The following ANO4 variants were observed in gnomAD, a reference collection of about 807,000 sequenced individuals.
ANO4 encodes anoctamin-4.
A neutral mutation model predicts 141.9 loss-of-function variants in ANO4; 69 were observed. The observed-to-expected ratio is 0.49, with a 90% CI of 0.40 to 0.59. ANO4 has a LOEUF of 0.59. ANO4 is among the 20% of genes least tolerant of loss of function. The pLI is 0.00. For missense variants in ANO4, 894 were observed against 1,162.2 expected (o/e 0.77, Z 3.36); for synonymous variants, 350 against 394.3 (o/e 0.89, Z 1.33).
chr12:100,984,127 TACTC>T lies in ANO4; in HGVS notation c.603-3411_603-3408del, dbSNP rs560526098. On this transcript the variant is annotated intron_variant, in intron 7 of 27. Coordinates refer to ENST00000392977, the MANE Select transcript of ANO4 (RefSeq NM_001286615.2). ...TTTATTTATTTATGACACGGAGTCTTACTCTATCTCCCAGGCTGAAGTACAATGG... is the reference window on the plus strand; with the variant it reads ...TTTATTTATTTATGACACGGAGTCTTTATCTCCCAGGCTGAAGTACAATGG... Among the ~76,000 whole-genome samples, 77 of 152,278 alleles carry T rather than the reference TACTC, an allele frequency of 5.1e-4. 1 individual carries two copies. In the South Asian group the frequency reaches 0.015, roughly 29 times the overall value.
chr12:100,880,427 G>A (rs76586441), intron 1 of ANO4, among the ~76,000 whole-genome samples: 9,334 of 152,180 alleles, frequency 0.061, 311 homozygotes, highest in Middle Eastern at 0.092. Context: ...AGATTGAAGC[G>A]TAGAGGTGCC....
At chr12:101,016,887 C>G (rs1374282528) in intron 8 of ANO4, among the ~76,000 whole-genome samples, 4 of 152,154 alleles carry the variant, frequency 2.6e-5, no homozygotes, top group Non-Finnish European at 5.9e-5. Context: ...ATGAGGAAAC[C>G]AAGACCCAGA....
intron 14 of ANO4, among the ~76,000 whole-genome samples, chr12:101,078,848 AATGCTGTATCAATTAGATAG>A (rs1047806868): frequency 6.6e-6 from 1 of 152,188 alleles, no homozygotes; most frequent in Non-Finnish European, 1.5e-5. Context: ...AAAAAAAATA[AATGCTGTATCAATTAGATAG>A]ATGTCGGTAA....
intron 1 of ANO4, among the ~76,000 whole-genome samples, chr12:100,866,518 A>G (rs1470475214): frequency 1.3e-5 from 2 of 152,102 alleles, no homozygotes; most frequent in African/African-American, 2.4e-5. Flanking sequence ...ATGGTCCTCA[A>G]TGTTGTATCA....
At chr12:100,729,360 CAAAAAAAAAAAAAAA>C (rs1156522144) in intron 1 of ANO4, among the ~76,000 whole-genome samples, 5 of 22,578 alleles carry the variant, frequency 2.2e-4, no homozygotes, top group Non-Finnish European at 3.3e-4. Context: ...AACTCTGTCT[CAAAAAAAAAAAAAAA>C]AAAAAAAAAA....
At chr12:100,772,702 A>G (rs960440209) in intron 3 of ANO4, among the ~76,000 whole-genome samples, 1 of 152,194 alleles carries the variant, frequency 6.6e-6, no homozygotes, top group African/African-American at 2.4e-5. Flanking sequence ...ACAAAGGAAA[A>G]ATCATATTGC....
At chr12:100,868,187 C>CT (rs1227578908) in intron 1 of ANO4, among the ~76,000 whole-genome samples, 9 of 152,110 alleles carry the variant, frequency 5.9e-5, no homozygotes, top group Admixed American at 5.9e-4. Context: ...CCATAGGATG[C>CT]TATGTGGGAG....
At chr12:100,773,552 A>G (rs2033381304) in intron 3 of ANO4, among the ~76,000 whole-genome samples, 1 of 152,214 alleles carries the variant, frequency 6.6e-6, no homozygotes, top group Admixed American at 6.5e-5. Flanking sequence ...TACATTGGGA[A>G]GGATCTTGTA....
At chr12:100,909,237 T>C (rs2040989082) in intron 2 of ANO4, among the ~76,000 whole-genome samples, 1 of 152,096 alleles carries the variant, frequency 6.6e-6, no homozygotes, top group Non-Finnish European at 1.5e-5. Context: ...TTCTTACCGG[T>C]TTTTCTAGTT....
upstream of ANO4, chr12:100,717,491 A>C (rs1178833695): frequency 1.3e-5 from 5 of 398,552 alleles, no homozygotes; most frequent in Non-Finnish European, 1.8e-5. Context: ...GCTCTAGCCG[A>C]CGCCCTGGCC....
chr12:101,044,725 T>G (rs1005120401), intron 13 of ANO4, among the ~76,000 whole-genome samples: 1 of 152,194 alleles, frequency 6.6e-6, no homozygotes, highest in Non-Finnish European at 1.5e-5. Context: ...GAGCCCAGAC[T>G]GCAGCAGTGA....
chr12:101,015,542 G>C (rs1292292768), intron 8 of ANO4, among the ~76,000 whole-genome samples: 1 of 152,066 alleles, frequency 6.6e-6, no homozygotes, highest in Non-Finnish European at 1.5e-5. Flanking sequence ...CCAGGCTTTT[G>C]CTATTATAAC....
chr12:100,846,226 A>G (rs1290881985), intron 1 of ANO4, among the ~76,000 whole-genome samples: 6 of 152,178 alleles, frequency 3.9e-5, no homozygotes, highest in Non-Finnish European at 7.3e-5. Flanking sequence ...AAACATGAAG[A>G]TCATCCTAGT....
intron 1 of ANO4, among the ~76,000 whole-genome samples, chr12:100,864,504 C>A (rs190584943): frequency 2.6e-5 from 4 of 152,126 alleles, no homozygotes; most frequent in African/African-American, 7.2e-5. Flanking sequence ...GAAGTTCTCA[C>A]CCCCGCATTG....
At chr12:100,904,686 A>G (rs1386495732) in intron 2 of ANO4, among the ~76,000 whole-genome samples, 1 of 152,204 alleles carries the variant, frequency 6.6e-6, no homozygotes, top group Non-Finnish European at 1.5e-5. Flanking sequence ...AGGACCTTAT[A>G]GGCCATTGTA....
At position 100,731,161 on chromosome 12, in the gene ANO4, A is replaced by G. The variant is rs559959284; in HGVS notation, c.23-2613A>G. On this transcript the variant is annotated intron_variant, in intron 1 of 29. Coordinates refer to the ANO4 transcript ENST00000644049. Reference sequence around the variant, plus strand: ...CTTTGGATGCATTTGACTAAATCCTAATAATTACTTCTTCCCCTCAGACCT... The same window carrying G: ...CTTTGGATGCATTTGACTAAATCCTGATAATTACTTCTTCCCCTCAGACCT... Among the ~76,000 whole-genome samples, 4 of 152,304 alleles carry G rather than the reference A, an allele frequency of 2.6e-5. No homozygotes were observed. The East Asian group carries it at 7.7e-4, about 29-fold the overall frequency.
chr12:100,922,830 T>G (rs925248309), intron 3 of ANO4, among the ~76,000 whole-genome samples: 10 of 152,132 alleles, frequency 6.6e-5, no homozygotes, highest in Non-Finnish European at 1.3e-4. Flanking sequence ...GCATTTTGAG[T>G]AATCAAGGTT....
chr12:100,873,272 A>T (rs1171939173), intron 1 of ANO4, among the ~76,000 whole-genome samples: 1 of 152,182 alleles, frequency 6.6e-6, no homozygotes, highest in Non-Finnish European at 1.5e-5. Context: ...GTGCCTTTGG[A>T]ACTGGGTAAT....
At chr12:100,857,462 C>T (rs2038236334) in intron 1 of ANO4, among the ~76,000 whole-genome samples, 1 of 152,090 alleles carries the variant, frequency 6.6e-6, no homozygotes, top group Non-Finnish European at 1.5e-5. Context: ...ACCATAATCC[C>T]TACTCAAGGA....
Sources: allele counts gnomAD v4.1 joint callset (sites outside exome capture counted in the v4.1 genomes callset), GRCh38; gene constraint gnomAD v4.1.1; transcripts MANE v1.5; gene names NCBI Gene and HGNC (gene_info 2026-07-23, HGNC 2026-07-21).